The following MISFA variants were observed in gnomAD, a reference collection of about 807,000 sequenced individuals.
The protein encoded by MISFA is mitochondrial sheath formation-associated protein.
chr11:18,603,061 T>C, the MISFA span: 2 of 398,822 alleles, frequency 5.0e-6, no homozygotes, highest in Admixed American at 8.8e-5. Context: ...AATAGAACAC[T>C]GCACCTTCCA....
chr11:18,606,463 TGTATATGCAAA>T, the MISFA span: 1 of 163,838 alleles, frequency 6.1e-6, no homozygotes, highest in Non-Finnish European at 1.3e-5. Flanking sequence ...AACTTTCACC[TGTATATGCAAA>T]AGTATATTCT....
At chr11:18,608,778 C>G in the MISFA span, 1 of 152,454 alleles carries the variant, frequency 6.6e-6, no homozygotes, top group East Asian at 1.9e-4. Flanking sequence ...CCCTTCCTAC[C>G]TGGGGAAAAA....
At chr11:18,601,179 C>G in the MISFA span, 40 of 398,694 alleles carry the variant, frequency 1.0e-4, no homozygotes, top group African/African-American at 8.0e-4. Context: ...AGATCTGCTG[C>G]AGTAAGTGGG....
At chr11:18,602,916 A>T in the MISFA span, 1 of 382,730 alleles carries the variant, frequency 2.6e-6, no homozygotes, top group Non-Finnish European at 4.6e-6. Context: ...AGGAGCTGAT[A>T]TCATAATTGG....
At chr11:18,604,436 A>G in the MISFA span, among the ~76,000 whole-genome samples, 1 of 151,970 alleles carries the variant, frequency 6.6e-6, no homozygotes, top group African/African-American at 2.4e-5. Context: ...CAGGTGGATC[A>G]TCTAGGGTCA....
chr11:18,607,797 A>T, the MISFA span: 1 of 152,326 alleles, frequency 6.6e-6, no homozygotes, highest in South Asian at 2.1e-4. Flanking sequence ...ACTCAGAAGT[A>T]ACAGACACAC....
the MISFA span, chr11:18,601,188 G>A: frequency 7.5e-6 from 3 of 398,634 alleles, no homozygotes; most frequent in Non-Finnish European, 1.3e-5. Flanking sequence ...GCAGTAAGTG[G>A]GTGGTCAGGT....
At chr11:18,604,862 C>T in the MISFA span, among the ~76,000 whole-genome samples, 1 of 152,180 alleles carries the variant, frequency 6.6e-6, no homozygotes, top group Non-Finnish European at 1.5e-5. Context: ...TCTCCCTTCA[C>T]ACTTTCATGT....
the MISFA span, chr11:18,608,776 A>G: frequency 6.6e-6 from 1 of 152,576 alleles, no homozygotes; most frequent in Non-Finnish European, 1.5e-5. Context: ...ATCCCTTCCT[A>G]CCTGGGGAAA....
chr11:18,603,029 TCTGGATTCCTACGA>T, the MISFA span: 1 of 397,644 alleles, frequency 2.5e-6, no homozygotes, highest in African/African-American at 2.1e-5. Context: ...CCATCCACCA[TCTGGATTCCTACGA>T]CTCAGGGAAT....
At chr11:18,601,855 T>C in the MISFA span, 1 of 256,046 alleles carries the variant, frequency 3.9e-6, no homozygotes, top group Non-Finnish European at 7.3e-6. Flanking sequence ...GTTTCGAAGT[T>C]TCTTCTGTAC....
chr11:18,608,174 C>G, the MISFA span: 2 of 152,508 alleles, frequency 1.3e-5, no homozygotes, highest in East Asian at 3.8e-4. Context: ...TGTAACAGTT[C>G]TATATGTAGT....
At chr11:18,607,295 AAGT>A in the MISFA span, 1 of 152,886 alleles carries the variant, frequency 6.5e-6, no homozygotes, top group Admixed American at 6.5e-5. Flanking sequence ...AAAGTTCTGA[AAGT>A]AGCCTTAAAA....
At chr11:18,602,920 T>C in the MISFA span, 27 of 384,938 alleles carry the variant, frequency 7.0e-5, no homozygotes, top group Non-Finnish European at 1.8e-5. Flanking sequence ...GCTGATATCA[T>C]AATTGGTGTC....
the MISFA span, chr11:18,603,743 T>C: frequency 5.0e-6 from 2 of 398,924 alleles, no homozygotes; most frequent in African/African-American, 2.1e-5. Context: ...TAGGCCTGCA[T>C]GACACACACT....
At chr11:18,601,911 A>G in the MISFA span, 1 of 171,392 alleles carries the variant, frequency 5.8e-6, no homozygotes, top group African/African-American at 2.4e-5. Context: ...TTGGGAATTA[A>G]TGTAAAGCAT....
chr11:18,609,449 T>C, the MISFA span: 2 of 164,220 alleles, frequency 1.2e-5, no homozygotes, highest in African/African-American at 4.8e-5. Context: ...AAGACTAAGT[T>C]TGATTGGGAG....
the MISFA span, among the ~76,000 whole-genome samples, chr11:18,605,072 G>GT: frequency 6.6e-6 from 1 of 151,956 alleles, no homozygotes; most frequent in Admixed American, 6.6e-5. Flanking sequence ...GTGAAACCCC[G>GT]TATCTACTAA....
At chr11:18,602,153 G>A in the MISFA span, 4 of 152,130 alleles carry the variant, frequency 2.6e-5, no homozygotes, top group African/African-American at 9.7e-5. Context: ...AACACTAATG[G>A]CAGTGCCCTT....
Sources: gnomAD v4.1 joint callset for allele counts (sites outside exome capture counted in the v4.1 genomes callset) on GRCh38, gnomAD v4.1.1 for gene constraint, MANE v1.5 for transcripts, NCBI Gene and HGNC (gene_info 2026-07-23, HGNC 2026-07-21) for gene names.